SWAP70: variants seen among roughly 807,000 people sequenced by gnomAD.
SWAP70 encodes switching B cell complex subunit SWAP70.
In SWAP70, 34 loss-of-function variants were observed where a neutral mutation model predicts 80.2. That is an observed-to-expected ratio of 0.42 (90% confidence interval 0.32 to 0.56). SWAP70 has a LOEUF of 0.56. Among genes scored for constraint, SWAP70 ranks in the 20% least tolerant of loss-of-function variants. The probability of loss-of-function intolerance (pLI) is 0.09; values close to 1 mark genes in which losing one functional copy is unlikely to be tolerated. For synonymous variants in SWAP70, 239 were observed against 238.5 expected, an observed-to-expected ratio of 1.00 and a Z score of -0.02; for missense variants, 578 against 690.7, an observed-to-expected ratio of 0.84 and a Z score of 1.83.
chr11:9,730,664 T>A (rs1851285808), intron 6 of SWAP70, among the ~76,000 whole-genome samples: 1 of 152,224 alleles, frequency 6.6e-6, no homozygotes, highest in Non-Finnish European at 1.5e-5. Context: ...AGAGGAATTA[T>A]GCAATAGTTT....
intron 3 of SWAP70, among the ~76,000 whole-genome samples, chr11:9,721,951 T>C (rs1590037852): frequency 2.0e-5 from 3 of 152,246 alleles, no homozygotes; most frequent in Non-Finnish European, 4.4e-5. Flanking sequence ...TTAAACCTAC[T>C]GTTTCTGACA....
intron 3 of SWAP70, among the ~76,000 whole-genome samples, chr11:9,718,801 A>G (rs898642364): frequency 6.6e-6 from 1 of 152,120 alleles, no homozygotes; most frequent in African/African-American, 2.4e-5. Context: ...TTAAGCCTTA[A>G]TTAATACAAT....
chr11:9,671,841 A>G (rs1339257956), intron 1 of SWAP70, among the ~76,000 whole-genome samples: 1 of 105,298 alleles, frequency 9.5e-6, no homozygotes, highest in Non-Finnish European at 1.7e-5. Flanking sequence ...AATAATATAT[A>G]ATATATAAAA....
Position 9,685,944 on chromosome 11 carries a change from C to T in SWAP70, c.100-8202C>T, listed in dbSNP as rs1419421358. ...GCCATTGCTCCCGGCGAGGCCTCAC[C>T]TCTTAATACTGACACATTGGAGATT... On this transcript the variant is annotated intron_variant, in intron 1 of 11. Transcript: ENST00000318950. 1.3e-5 allele frequency among the ~76,000 whole-genome samples: 2 copies of T among 152,142 alleles called. 1 individual carries two copies. Among genetic ancestry groups the T allele is most frequent in the Non-Finnish European group, 2.9e-5 (2 of 68,016 alleles).
At chr11:9,734,855 G>T (rs1851343941) in intron 7 of SWAP70, among the ~76,000 whole-genome samples, 1 of 152,056 alleles carries the variant, frequency 6.6e-6, no homozygotes, top group African/African-American at 2.4e-5. Flanking sequence ...AAACTCCTGG[G>T]TTCAAGCAAT....
intron 2 of SWAP70, among the ~76,000 whole-genome samples, chr11:9,704,824 G>C (rs974639457): frequency 3.9e-5 from 6 of 152,168 alleles, no homozygotes; most frequent in Non-Finnish European, 8.8e-5. Flanking sequence ...ACCAGATGTT[G>C]ACTGACCTGT....
intron 1 of SWAP70, 48 bp downstream of exon 1, chr11:9,664,326 T>G: frequency 1.3e-6 from 2 of 1,516,022 alleles, no homozygotes; most frequent in Non-Finnish European, 1.8e-6. Flanking sequence ...CCCGGCGCGC[T>G]CTGTACTTCC....
At chr11:9,734,144 C>G (rs1298259186) in intron 7 of SWAP70, among the ~76,000 whole-genome samples, 1 of 152,154 alleles carries the variant, frequency 6.6e-6, no homozygotes. Flanking sequence ...AGCATTATGT[C>G]AGAGCTCAAA....
At chr11:9,735,979 C>T (rs1013270596) in intron 7 of SWAP70, among the ~76,000 whole-genome samples, 1 of 151,956 alleles carries the variant, frequency 6.6e-6, no homozygotes, top group African/African-American at 2.4e-5. Flanking sequence ...TCTTCTGATA[C>T]TTTCGTTATG....
intron 7 of SWAP70, among the ~76,000 whole-genome samples, chr11:9,737,160 A>G (rs564058318): frequency 6.6e-6 from 1 of 152,372 alleles, no homozygotes; most frequent in South Asian, 2.1e-4. Flanking sequence ...AAGTTTCTGC[A>G]ACATGCAGCT....
rs1851253421 is a variant in SWAP70 at position 9,728,353 on chromosome 11, C to T, written c.789+154C>T. Among the ~76,000 whole-genome samples the T allele has an allele frequency of 2.0e-5, 3 of 152,110 alleles. 1 individual carries two copies. The South Asian group carries it at 6.2e-4, about 32-fold the overall frequency. On this transcript the variant is annotated intron_variant, in intron 5 of 11. Coordinates refer to ENST00000318950, the MANE Select transcript of SWAP70 (RefSeq NM_015055.4). ...TATAGGCATGCAGTTGCCATGGTTT[C>T]TGAACCAAAAATTAAACATAGCTGA...
Position 9,713,516 on chromosome 11 carries a change from C to T in SWAP70, c.291C>T (p.Leu97=), listed in dbSNP as rs1851026272. The T allele has an allele frequency of 3.1e-6, 5 of 1,613,960 alleles. No homozygotes were observed. Among genetic ancestry groups the T allele is most frequent in the Non-Finnish European group, 4.2e-6 (5 of 1,179,940 alleles). The change falls in exon 3 of 12, where the codon CTC becomes CTT. Residue 97 remains leucine, a synonymous_variant. Transcript: ENST00000318950. ...AATTCAATAGGATGTGTTGGACCCT[C>T]TGTGTCAAAAAAAACCTCACAAAGA... ...KIEFNRMCWT[L]CVKKNLTKNP...
chr11:9,698,832 G>T (rs1850795062), intron 2 of SWAP70, among the ~76,000 whole-genome samples: 1 of 151,952 alleles, frequency 6.6e-6, no homozygotes, highest in Admixed American at 6.6e-5. Context: ...ACAACATGAT[G>T]CTTTGCAATG....
chr11:9,746,766 C>T (rs545217267), intron 9 of SWAP70, among the ~76,000 whole-genome samples: 1 of 152,290 alleles, frequency 6.6e-6, no homozygotes, highest in Non-Finnish European at 1.5e-5. Context: ...GAAAAAACTT[C>T]GTAAGAATTG....
chr11:9,735,050 A>T (rs916045376), intron 7 of SWAP70, among the ~76,000 whole-genome samples: 2 of 152,236 alleles, frequency 1.3e-5, no homozygotes, highest in African/African-American at 4.8e-5. Context: ...AGATTTACTT[A>T]AAGAATTTAC....
chr11:9,744,606 A>G (rs887506683), intron 9 of SWAP70, among the ~76,000 whole-genome samples: 11 of 152,208 alleles, frequency 7.2e-5, no homozygotes, highest in African/African-American at 2.4e-4. Context: ...TTCATTTAAA[A>G]TGTAGAATAC....
intron 9 of SWAP70, among the ~76,000 whole-genome samples, chr11:9,744,949 A>G (rs1851492777): frequency 6.6e-6 from 1 of 152,208 alleles, no homozygotes. Flanking sequence ...AGGCTGAGCC[A>G]TAATCTGTCC....
chr11:9,709,443 A>G (rs1490114061), intron 2 of SWAP70, among the ~76,000 whole-genome samples: 1 of 152,116 alleles, frequency 6.6e-6, no homozygotes, highest in African/African-American at 2.4e-5. Flanking sequence ...TTGAGTTTAA[A>G]CTTTGGTTTT....
chr11:9,694,209 C>G lies in SWAP70; in HGVS notation c.163C>G (p.His55Asp). Residue 55 changes from histidine to aspartate, a missense_variant, in exon 2 of 12, where the codon CAC (histidine) becomes GAC (aspartate). His to Asp is a moderately conservative substitution (Grantham distance 81). Coordinates refer to ENST00000318950, the MANE Select transcript of SWAP70 (RefSeq NM_015055.4). ...VPHDPVALEE[H>D]FRDDDEGPVS... ...TCATGACCCAGTTGCCCTTGAAGAG[C>G]ACTTCAGGGATGATGATGAGGGTCC... 8 of 1,613,060 alleles carry G rather than the reference C, an allele frequency of 5.0e-6. No homozygotes were observed. Among genetic ancestry groups the G allele is most frequent in the Non-Finnish European group, 6.8e-6 (8 of 1,179,570 alleles).
Sources: allele counts gnomAD v4.1 joint callset (sites outside exome capture counted in the v4.1 genomes callset), GRCh38; gene constraint gnomAD v4.1.1; transcripts MANE v1.5; gene names NCBI Gene and HGNC (gene_info 2026-07-23, HGNC 2026-07-21).